Variants in DCC observed in about 807,000 individuals in gnomAD.
DCC encodes DCC netrin 1 receptor.
A neutral mutation model predicts 172.5 loss-of-function variants in DCC; 58 were observed. That is an observed-to-expected ratio of 0.34 (90% CI 0.27 to 0.42). DCC has a LOEUF of 0.42. DCC is among the 10% of genes least tolerant of loss of function. DCC has a pLI of 1.00. For missense variants in DCC, 1,740 were observed against 1,791.0 expected (o/e 0.97, Z 0.51); for synonymous variants, 709 against 644.5 (o/e 1.10, Z -1.52).
chr18:52,495,444 C>A (rs1346920933), intron 1 of DCC, among the ~76,000 whole-genome samples: 5 of 152,100 alleles, frequency 3.3e-5, no homozygotes, highest in Non-Finnish European at 5.9e-5. Context: ...AGAGAAGTTT[C>A]TTTAGAATAT....
chr18:53,279,245 G>T (rs62097981), intron 12 of DCC, among the ~76,000 whole-genome samples: 1 of 151,624 alleles, frequency 6.6e-6, no homozygotes, highest in Non-Finnish European at 1.5e-5. Flanking sequence ...TTGGAACCAA[G>T]CCAAATGTCC....
At chr18:53,296,948 G>T (rs868811972) in intron 12 of DCC, among the ~76,000 whole-genome samples, 2 of 152,080 alleles carry the variant, frequency 1.3e-5, no homozygotes, top group Admixed American at 6.5e-5. Flanking sequence ...TTTAAAAAAG[G>T]CTTTTTGCTA....
chr18:52,360,698 T>A (rs1256650970), intron 1 of DCC, among the ~76,000 whole-genome samples: 1 of 152,202 alleles, frequency 6.6e-6, no homozygotes, highest in Non-Finnish European at 1.5e-5. Context: ...AACTACTGTA[T>A]GATTTTATGA....
chr18:52,430,540 G>A (rs1286507109), intron 1 of DCC, among the ~76,000 whole-genome samples: 1 of 152,120 alleles, frequency 6.6e-6, no homozygotes, highest in African/African-American at 2.4e-5. Context: ...GAGCCTGGTA[G>A]ATGATGAATG....
At chr18:53,469,874 A>G (rs552579517) in intron 25 of DCC, among the ~76,000 whole-genome samples, 1 of 152,124 alleles carries the variant, frequency 6.6e-6, no homozygotes, top group Non-Finnish European at 1.5e-5. Context: ...ATGATTGCCA[A>G]GGTTGTCAAT....
chr18:53,076,019 G>A (rs916989903), intron 7 of DCC, among the ~76,000 whole-genome samples: 4 of 152,050 alleles, frequency 2.6e-5, no homozygotes, highest in African/African-American at 9.7e-5. Context: ...TCAAAATTGG[G>A]GAAGGGAGTA....
At chr18:52,376,726 C>T (rs187668797) in intron 1 of DCC, among the ~76,000 whole-genome samples, 9 of 152,232 alleles carry the variant, frequency 5.9e-5, no homozygotes, top group Non-Finnish European at 7.4e-5. Context: ...ACTTTACATA[C>T]GTCATCTCTA....
chr18:53,269,546 T>C (rs957153081), intron 12 of DCC, among the ~76,000 whole-genome samples: 13 of 152,190 alleles, frequency 8.5e-5, no homozygotes, highest in African/African-American at 3.1e-4. Context: ...CATAGAATGT[T>C]AAGAATAATA....
At chr18:53,506,262 T>A (rs966558769) in intron 27 of DCC, among the ~76,000 whole-genome samples, 13 of 152,158 alleles carry the variant, frequency 8.5e-5, no homozygotes, top group Non-Finnish European at 1.8e-4. Context: ...AGTTCTTCAA[T>A]TTCAAGTCTA....
At chr18:52,659,423 A>T (rs1438674141) in intron 1 of DCC, among the ~76,000 whole-genome samples, 3 of 152,162 alleles carry the variant, frequency 2.0e-5, no homozygotes, top group Non-Finnish European at 2.9e-5. Context: ...CTTTAAGCTG[A>T]ATCTCTTAAC....
chr18:53,181,063 CAT>C (rs2055189140), intron 9 of DCC, among the ~76,000 whole-genome samples: 1 of 152,102 alleles, frequency 6.6e-6, no homozygotes, highest in Admixed American at 6.6e-5. Context: ...TGGTATATCT[CAT>C]GTGATAGATA....
intron 1 of DCC, among the ~76,000 whole-genome samples, chr18:52,401,498 AAAC>A (rs1288128745): frequency 4.6e-5 from 7 of 152,036 alleles, no homozygotes; most frequent in Non-Finnish European, 1.0e-4. Context: ...AAACCACAAC[AAAC>A]TGTGACTTAA....
intron 12 of DCC, among the ~76,000 whole-genome samples, chr18:53,272,990 C>A (rs1361041998): frequency 6.6e-6 from 1 of 152,038 alleles, no homozygotes; most frequent in Non-Finnish European, 1.5e-5. Context: ...CAATTATTGG[C>A]TGGATATGAA....
chr18:53,111,156 A>G (rs2043324615), intron 7 of DCC, among the ~76,000 whole-genome samples: 1 of 150,262 alleles, frequency 6.7e-6, no homozygotes, highest in Admixed American at 6.6e-5. Flanking sequence ...AGGACAAAAA[A>G]CCAAACATCG....
intron 11 of DCC, among the ~76,000 whole-genome samples, chr18:53,214,301 G>A (rs1027087454): frequency 6.6e-6 from 1 of 152,082 alleles, no homozygotes; most frequent in African/African-American, 2.4e-5. Context: ...TTCATTTTCT[G>A]TTATTCCCAG....
intron 12 of DCC, among the ~76,000 whole-genome samples, chr18:53,223,350 A>G (rs1161722386): frequency 1.3e-5 from 2 of 152,188 alleles, no homozygotes; most frequent in Admixed American, 6.5e-5. Context: ...ATAGAATACC[A>G]TTCTCTTTTG....
At chr18:52,713,181 C>T (rs77708563) in intron 1 of DCC, among the ~76,000 whole-genome samples, 6,273 of 152,272 alleles carry the variant, frequency 0.041, 203 homozygotes, top group South Asian at 0.13. Context: ...TCTTTTCTCT[C>T]GCATAGCATG....
intron 1 of DCC, among the ~76,000 whole-genome samples, chr18:52,639,631 G>C (rs2034850859): frequency 6.6e-6 from 1 of 152,024 alleles, no homozygotes; most frequent in Non-Finnish European, 1.5e-5. Context: ...ACCCTGAACA[G>C]AGCAATAACA....
At chr18:52,873,218 T>TTTC (rs34561245) in intron 2 of DCC, among the ~76,000 whole-genome samples, 152,241 of 152,272 alleles carry the variant, frequency 1, 76,105 homozygotes, top group Middle Eastern at 1. Flanking sequence ...CCTCCAAGTC[T>TTTC]TTCTTCAACA....
Sources: gnomAD v4.1 joint callset for allele counts (sites outside exome capture counted in the v4.1 genomes callset) on GRCh38, gnomAD v4.1.1 for gene constraint, MANE v1.5 for transcripts, NCBI Gene and HGNC (gene_info 2026-07-23, HGNC 2026-07-21) for gene names.